Variants in LRFN2 observed in about 807,000 individuals in gnomAD.
LRFN2 encodes the protein leucine rich repeat and fibronectin type III domain containing 2.
In LRFN2, 18 loss-of-function variants were observed where a neutral mutation model predicts 37.3. That is an observed-to-expected ratio of 0.48 (90% CI 0.33 to 0.72). The LOEUF (loss-of-function observed/expected upper bound fraction) is 0.72, where lower values mean the gene tolerates loss of function less well. Among genes scored for constraint, LRFN2 ranks in the 30% least tolerant of loss-of-function variants. The probability of loss-of-function intolerance (pLI) is 0.02; values close to 1 mark genes in which losing one functional copy is unlikely to be tolerated. For synonymous variants in LRFN2, 556 were observed against 466.6 expected (o/e 1.19, Z -2.47); for missense variants, 1,006 against 1,060.7 (o/e 0.95, Z 0.72).
In LRFN2 at chr6:40,432,396, C is replaced by A. The variant is rs760433642; in HGVS notation, c.718G>T (p.Gly240Trp). The change falls in exon 2 of 3, where the codon GGG (glycine) becomes TGG (tryptophan). Residue 240 changes from glycine to tryptophan, a missense_variant. By Grantham distance (184) the Gly-to-Trp change is radical. Transcript: ENST00000338305. Reference protein sequence around the residue: ...PFAPPLSFSFGGNPLHCNCEL... With the variant: ...PFAPPLSFSFWGNPLHCNCEL... ...CAATTGCAGTGAAGTGGGTTACCCC[C>A]AAAACTAAAGGACAAGGGTGGGGCA... The A allele has an allele frequency of 1.2e-6, 2 of 1,613,992 alleles. No homozygotes were observed. The highest frequency in any genetic ancestry group is 2.2e-5 in the East Asian group (1 of 44,876).
intron 1 of LRFN2, among the ~76,000 whole-genome samples, chr6:40,581,003 G>T (rs1293664693): frequency 3.3e-5 from 5 of 152,052 alleles, no homozygotes; most frequent in East Asian, 3.9e-4. Context: ...CACTGGTGGG[G>T]GTGTGTGTGT....
chr6:40,553,741 C>T (rs565910737), intron 1 of LRFN2, among the ~76,000 whole-genome samples: 1 of 152,310 alleles, frequency 6.6e-6, no homozygotes, highest in Admixed American at 6.5e-5. Flanking sequence ...ATACACTTAT[C>T]CATTATCTCC....
chr6:40,547,901 T>C (rs949773936), intron 1 of LRFN2, among the ~76,000 whole-genome samples: 15 of 152,192 alleles, frequency 9.9e-5, no homozygotes, highest in Non-Finnish European at 2.2e-4. Context: ...CTGTGGTTTC[T>C]CTATGCCATC....
chr6:40,462,542 AC>A (rs1436666645), intron 1 of LRFN2, among the ~76,000 whole-genome samples: 8 of 152,148 alleles, frequency 5.3e-5, no homozygotes, highest in Admixed American at 1.3e-4. Context: ...ATTTTTACTG[AC>A]ATAGAGGCAT....
chr6:40,564,769 GCTT>G lies in LRFN2; in HGVS notation c.-19+22169_-19+22171del, dbSNP rs1767058628. ...CCTCTCCATTGCTCATAGTAAAAAT[GCTT>G]CTTAACAGCCCATGATGCCCTACCT... is the stretch of plus-strand genomic sequence containing the variant. On this transcript the variant is annotated intron_variant, in intron 1 of 2. Transcript: ENST00000338305. Among the ~76,000 whole-genome samples the G allele has an allele frequency of 2.6e-5, 4 of 152,028 alleles. No homozygotes were observed. In the South Asian group the frequency reaches 6.2e-4, roughly 24 times the overall value.
At chr6:40,397,769 A>AAAAGGCATTTGGGCCTCAG (rs1554131625) in intron 2 of LRFN2, among the ~76,000 whole-genome samples, 1 of 152,036 alleles carries the variant, frequency 6.6e-6, no homozygotes, top group Admixed American at 6.5e-5. Flanking sequence ...AAGAACCCAG[A>AAAAGGCATTTGGGCCTCAG]GCTAATAGCA....
intron 1 of LRFN2, among the ~76,000 whole-genome samples, chr6:40,541,242 G>C (rs1220160716): frequency 6.6e-6 from 1 of 152,148 alleles, no homozygotes; most frequent in African/African-American, 2.4e-5. Context: ...AAGTAATGCT[G>C]CTGCACAGAC....
intron 2 of LRFN2, among the ~76,000 whole-genome samples, chr6:40,429,661 C>T (rs1158978446): frequency 6.6e-6 from 1 of 152,170 alleles, no homozygotes; most frequent in East Asian, 1.9e-4. Context: ...ATAATTTACC[C>T]ATAAACCAGT....
At chr6:40,439,241 G>A (rs896983839) in intron 1 of LRFN2, among the ~76,000 whole-genome samples, 2 of 152,218 alleles carry the variant, frequency 1.3e-5, no homozygotes, top group African/African-American at 4.8e-5. Flanking sequence ...TGTAAATCAA[G>A]TAAGATGCCT....
At chr6:40,500,354 A>G (rs920128905) in intron 1 of LRFN2, among the ~76,000 whole-genome samples, 5 of 152,224 alleles carry the variant, frequency 3.3e-5, no homozygotes, top group African/African-American at 1.2e-4. Flanking sequence ...CTTCTGTGGC[A>G]TTCCCTCTGG....
chr6:40,531,199 A>C (rs1272971854), intron 1 of LRFN2, among the ~76,000 whole-genome samples: 1 of 152,190 alleles, frequency 6.6e-6, no homozygotes, highest in Admixed American at 6.5e-5. Flanking sequence ...AATTTACATA[A>C]ATGGAATCCT....
intron 1 of LRFN2, among the ~76,000 whole-genome samples, chr6:40,537,820 G>A (rs567638005): frequency 6.6e-6 from 1 of 152,190 alleles, no homozygotes; most frequent in South Asian, 2.1e-4. Flanking sequence ...GGTGGAGGGA[G>A]GGGACATATG....
At chr6:40,425,915 C>T (rs746946640) in intron 2 of LRFN2, among the ~76,000 whole-genome samples, 2 of 152,226 alleles carry the variant, frequency 1.3e-5, no homozygotes, top group Admixed American at 6.5e-5. Flanking sequence ...TGCCTCTGCT[C>T]CTCCTTCCTG....
intron 2 of LRFN2, among the ~76,000 whole-genome samples, chr6:40,409,707 A>G (rs1255717020): frequency 6.6e-6 from 1 of 152,166 alleles, no homozygotes; most frequent in Non-Finnish European, 1.5e-5. Flanking sequence ...GTAAGTGGTG[A>G]AGCATTTATA....
intron 1 of LRFN2, among the ~76,000 whole-genome samples, chr6:40,499,134 T>C (rs956119589): frequency 2.0e-5 from 3 of 152,210 alleles, no homozygotes; most frequent in Non-Finnish European, 4.4e-5. Context: ...CTGTACATTG[T>C]CCATTCCTCT....
Position 40,585,673 on chromosome 6 carries a change from C to T in LRFN2, c.-19+1268G>A, listed in dbSNP as rs1014890279. Among the ~76,000 whole-genome samples the T allele has an allele frequency of 2.6e-5, 4 of 152,114 alleles. 1 individual carries two copies. ...CCCACATAGAACCTCTAGCCCTGGC[C>T]CCTGGGAACTTCACAGCCCAGGGAA... On this transcript the variant is annotated intron_variant, in intron 1 of 2. Coordinates refer to ENST00000338305, the MANE Select transcript of LRFN2 (RefSeq NM_020737.3).
chr6:40,548,440 CA>C lies in LRFN2; in HGVS notation c.-19+38500del, dbSNP rs67639435. ...TGGGTGACACAACGAGACTCCATCT[CA>C]AAAAAAAAATGAAAAAAGAAAAATA... On this transcript the variant is annotated intron_variant, in intron 1 of 2. Coordinates refer to ENST00000338305, the MANE Select transcript of LRFN2 (RefSeq NM_020737.3). Among the ~76,000 whole-genome samples, 212 of 142,692 alleles carry C rather than the reference CA, an allele frequency of 1.5e-3. 9 individuals are homozygous for C. The highest frequency in any genetic ancestry group is 3.4e-3 in the East Asian group (17 of 4,974). 93.6% of individuals were successfully genotyped at this position (142,692 alleles called of 152,430 possible). A position where few individuals can be genotyped will look rare whatever the true frequency, so the allele number is the denominator to read the frequency against.
intron 2 of LRFN2, among the ~76,000 whole-genome samples, chr6:40,396,862 A>G (rs1448429415): frequency 6.6e-6 from 1 of 152,138 alleles, no homozygotes; most frequent in African/African-American, 2.4e-5. Flanking sequence ...TCTAATAACA[A>G]TAATAACCAG....
At chr6:40,396,300 TA>T (rs1407231012) in intron 2 of LRFN2, among the ~76,000 whole-genome samples, 1 of 152,102 alleles carries the variant, frequency 6.6e-6, no homozygotes. Context: ...AGCTGGGATT[TA>T]AATCAGGCAG....
Sources: allele counts gnomAD v4.1 joint callset (sites outside exome capture counted in the v4.1 genomes callset), GRCh38; gene constraint gnomAD v4.1.1; transcripts MANE v1.5; gene names NCBI Gene and HGNC (gene_info 2026-07-23, HGNC 2026-07-21).